RANBP2: variants seen among roughly 807,000 people sequenced by gnomAD.
RANBP2 encodes RAN binding protein 2, also known as E3 SUMO-protein ligase RanBP2.
In RANBP2, 57 loss-of-function variants were observed where a neutral mutation model predicts 303.6. That is an observed-to-expected ratio of 0.19 (90% CI 0.15 to 0.23). The LOEUF (loss-of-function observed/expected upper bound fraction) is 0.23. Ranked by LOEUF, RANBP2 falls within the 10% of genes least tolerant of loss-of-function variation. The pLI is 1.00. For synonymous variants in RANBP2, 1,167 were observed against 1,301.5 expected, an observed-to-expected ratio of 0.90 and a Z score of 2.23; for missense variants, 3,138 against 3,780.8, an observed-to-expected ratio of 0.83 and a Z score of 4.46.
At chr2:108,990,473 C>T in the RANBP2 span, among the ~76,000 whole-genome samples, 1 of 146,498 alleles carries the variant, frequency 6.8e-6, no homozygotes, top group Non-Finnish European at 1.5e-5. Flanking sequence ...CAAAAATTAG[C>T]CGGTGGTGGC....
chr2:108,824,403 A>G, the RANBP2 span, among the ~76,000 whole-genome samples: 1 of 152,206 alleles, frequency 6.6e-6, no homozygotes, highest in South Asian at 2.1e-4. Flanking sequence ...AAAAACTAAG[A>G]CACAAACGCA....
chr2:109,048,618 A>G, the RANBP2 span, among the ~76,000 whole-genome samples: 2 of 150,180 alleles, frequency 1.3e-5, no homozygotes, highest in African/African-American at 4.9e-5. Flanking sequence ...GACCATTCAT[A>G]TTTCTCTTTT....
chr2:109,485,940 C>G, the RANBP2 span, among the ~76,000 whole-genome samples: 15 of 152,372 alleles, frequency 9.8e-5, no homozygotes, highest in Admixed American at 9.1e-4. Context: ...GGCTTCTCAC[C>G]TTCTGTCTGG....
At chr2:108,747,770 C>T (rs1558896765) in intron 8 of RANBP2, among the ~76,000 whole-genome samples, 1 of 152,056 alleles carries the variant, frequency 6.6e-6, no homozygotes, top group Non-Finnish European at 1.5e-5. Context: ...AGAATTAACT[C>T]GAAGGAGGGT....
At chr2:109,477,886 A>G in the RANBP2 span, among the ~76,000 whole-genome samples, 1 of 152,186 alleles carries the variant, frequency 6.6e-6, no homozygotes, top group Non-Finnish European at 1.5e-5. Context: ...ACTTTGGGGA[A>G]CATGTGCATT....
At chr2:108,759,590 G>A (rs1317884862) in intron 18 of RANBP2, among the ~76,000 whole-genome samples, 5 of 152,152 alleles carry the variant, frequency 3.3e-5, no homozygotes, top group Non-Finnish European at 7.3e-5. Flanking sequence ...AACCCCACTA[G>A]CCTTTTGTGA....
the RANBP2 span, chr2:109,614,671 A>G: frequency 1.3e-6 from 2 of 1,482,924 alleles, no homozygotes; most frequent in Admixed American, 2.3e-5. Flanking sequence ...GAGCTGGTGA[A>G]CGCCGTGGCC....
the RANBP2 span, among the ~76,000 whole-genome samples, chr2:109,052,947 C>G: frequency 2.6e-5 from 4 of 152,358 alleles, no homozygotes; most frequent in South Asian, 8.3e-4. Flanking sequence ...CTTAAGCCAA[C>G]CATCATTCCA....
At chr2:109,473,751 G>A in the RANBP2 span, among the ~76,000 whole-genome samples, 1 of 107,446 alleles carries the variant, frequency 9.3e-6, no homozygotes, top group Non-Finnish European at 1.8e-5. Flanking sequence ...CCTGCCTCAG[G>A]CTACCTCCTC....
chr2:109,590,483 G>C, the RANBP2 span, among the ~76,000 whole-genome samples: 1 of 151,748 alleles, frequency 6.6e-6, no homozygotes, highest in African/African-American at 2.4e-5. Flanking sequence ...CCAGGCTAGA[G>C]TGCAATGATG....
chr2:109,203,399 C>T, the RANBP2 span, among the ~76,000 whole-genome samples: 6 of 152,178 alleles, frequency 3.9e-5, no homozygotes, highest in Admixed American at 1.3e-4. Flanking sequence ...GGTGTTTCCG[C>T]GTCCCTACGA....
chr2:109,518,942 G>A, the RANBP2 span, among the ~76,000 whole-genome samples: 4 of 137,808 alleles, frequency 2.9e-5, no homozygotes, highest in South Asian at 9.1e-4. Flanking sequence ...TTTTTTTGAG[G>A]GAGTCTCGCT....
At position 108,727,550 on chromosome 2, in the gene RANBP2, A is replaced by T. The variant is rs1441497493; in HGVS notation, c.73-1582A>T. On this transcript the variant is annotated intron_variant, in intron 1 of 28. Coordinates refer to ENST00000283195, the MANE Select transcript of RANBP2 (RefSeq NM_006267.5). ...TGGAATTTCAAAAATAAGATGTTTG[A>T]GTAGCTGTATACTCTTTATCACATG... Among the ~76,000 whole-genome samples the T allele has an allele frequency of 2.7e-5, 4 of 150,656 alleles. No individual in the cohort carries two copies. The South Asian group carries it at 6.3e-4, about 24-fold the overall frequency.
At chr2:109,614,287 G>T in the RANBP2 span, 1 of 620,962 alleles carries the variant, frequency 1.6e-6, no homozygotes. Context: ...CTGGTGGCGT[G>T]GGCGCGGGGC....
At chr2:109,175,197 T>C in the RANBP2 span, among the ~76,000 whole-genome samples, 2 of 152,190 alleles carry the variant, frequency 1.3e-5, no homozygotes, top group African/African-American at 2.4e-5. Flanking sequence ...TCAGAGTCAG[T>C]GGTGACGTCA....
At chr2:109,105,304 G>A in the RANBP2 span, among the ~76,000 whole-genome samples, 3 of 152,076 alleles carry the variant, frequency 2.0e-5, no homozygotes, top group Non-Finnish European at 4.4e-5. Context: ...TGCCTCAAAT[G>A]AGCATGCACA....
the RANBP2 span, chr2:108,912,672 C>A: frequency 4.4e-6 from 7 of 1,583,800 alleles, no homozygotes; most frequent in Non-Finnish European, 6.0e-6. Context: ...TGAGCACCCT[C>A]CTCACCTTTG....
At chr2:108,910,633 T>G in the RANBP2 span, 1 of 1,370,280 alleles carries the variant, frequency 7.3e-7, no homozygotes, top group Non-Finnish European at 1.0e-6. Flanking sequence ...AGCTGCCCGG[T>G]GTCTGTGTGG....
the RANBP2 span, among the ~76,000 whole-genome samples, chr2:108,857,290 G>A: frequency 6.6e-6 from 1 of 151,978 alleles, no homozygotes; most frequent in Admixed American, 6.6e-5. Context: ...TGTTGGCCAG[G>A]ATGGTCTGTA....
Sources: allele counts gnomAD v4.1 joint callset (sites outside exome capture counted in the v4.1 genomes callset), GRCh38; gene constraint gnomAD v4.1.1; transcripts MANE v1.5; gene names NCBI Gene and HGNC (gene_info 2026-07-23, HGNC 2026-07-21).